Variants in COL23A1 observed in about 807,000 individuals in gnomAD.
The protein encoded by COL23A1 is collagen alpha-1(XXIII) chain.
Under a neutral mutation model 99.3 loss-of-function variants are expected in COL23A1, and 97 were observed. The ratio of observed to expected loss-of-function variants is 0.98; its 90% CI spans 0.83 to 1.16. COL23A1 has a LOEUF of 1.16. Among genes scored for constraint, COL23A1 ranks in the 50% most tolerant of loss-of-function variants. COL23A1 has a pLI of 0.00. For synonymous variants in COL23A1, 320 were observed against 308.2 expected, an observed-to-expected ratio of 1.04 and a Z score of -0.40; for missense variants, 762 against 757.4, an observed-to-expected ratio of 1.01 and a Z score of -0.07.
At chr5:178,392,332 G>T (rs746963930) in intron 2 of COL23A1, among the ~76,000 whole-genome samples, 1 of 152,062 alleles carries the variant, frequency 6.6e-6, no homozygotes, top group Non-Finnish European at 1.5e-5. Flanking sequence ...GGGTGTCCTC[G>T]GAGCACACTC....
At chr5:178,522,931 G>A (rs538187673) in intron 2 of COL23A1, among the ~76,000 whole-genome samples, 4 of 151,626 alleles carry the variant, frequency 2.6e-5, no homozygotes, top group Admixed American at 2.6e-4. Flanking sequence ...AGATCATTTC[G>A]GGAATGAGTT....
chr5:178,336,339 T>TG (rs1268598373), intron 2 of COL23A1, among the ~76,000 whole-genome samples: 2 of 152,208 alleles, frequency 1.3e-5, no homozygotes, highest in Non-Finnish European at 2.9e-5. Flanking sequence ...ACAACCCAGA[T>TG]GGCCATCACC....
chr5:178,242,172 C>T lies in COL23A1; in HGVS notation c.1495-44G>A, dbSNP rs375392418. On this transcript the variant is annotated intron_variant, in intron 26 of 28. Coordinates refer to ENST00000390654, the MANE Select transcript of COL23A1 (RefSeq NM_173465.4). Reference sequence around the variant, plus strand: ...GGTGGTATTGGTCATGGCTGCCAGGCTTAGGAACCTCCAACATCTCTCCGA... The same window carrying T: ...GGTGGTATTGGTCATGGCTGCCAGGTTTAGGAACCTCCAACATCTCTCCGA... 1.4e-5 allele frequency: 21 copies of T among 1,518,580 alleles called. No individual in the cohort carries two copies. The African/African-American group carries it at 2.5e-4, about 18-fold the overall frequency. 94.1% of individuals were successfully genotyped at this position (1,518,580 alleles called of 1,614,324 possible).
intron 2 of COL23A1, among the ~76,000 whole-genome samples, chr5:178,311,817 G>T (rs144073524): frequency 0.027 from 3,932 of 148,366 alleles, 174 homozygotes; most frequent in African/African-American, 0.093. Flanking sequence ...CGCAACCTCC[G>T]CCTCCCAGGT....
intron 2 of COL23A1, among the ~76,000 whole-genome samples, chr5:178,506,860 C>T (rs1430245529): frequency 2.0e-5 from 3 of 152,132 alleles, no homozygotes; most frequent in Admixed American, 6.5e-5. Context: ...CTCTTTGTCC[C>T]ACTTGGAATG....
rs1760596598 is a variant in COL23A1 at position 178,340,568 on chromosome 5, C to T, written c.362-33649G>A. On this transcript the variant is annotated intron_variant, in intron 2 of 28. Coordinates refer to ENST00000390654, the MANE Select transcript of COL23A1 (RefSeq NM_173465.4). The surrounding 1 kb of genome is among the most constrained non-coding windows in gnomAD (Gnocchi z 4.7). ...ACCATCTAGGAATCTTGCGGAAATC[C>T]AGGGGCTGACGCAGAGGTCAGGAGT... 6.6e-6 allele frequency among the ~76,000 whole-genome samples: 1 copy of T among 152,116 alleles called. No homozygotes were observed. The highest frequency in any genetic ancestry group is 1.5e-5 in the Non-Finnish European group (1 of 68,010).
At chr5:178,585,059 C>A (rs1763856744) in intron 1 of COL23A1, among the ~76,000 whole-genome samples, 1 of 152,230 alleles carries the variant, frequency 6.6e-6, no homozygotes, top group Non-Finnish European at 1.5e-5. Context: ...CCAAACCCAT[C>A]AACCTTCCCT....
Position 178,384,771 on chromosome 5 carries a change from G to A in COL23A1, c.362-77852C>T, listed in dbSNP as rs1224782787. 6.6e-6 allele frequency among the ~76,000 whole-genome samples: 1 copy of A among 152,230 alleles called. No individual in the cohort carries two copies. Among genetic ancestry groups the A allele is most frequent in the Non-Finnish European group, 1.5e-5 (1 of 68,038 alleles). On this transcript the variant is annotated intron_variant, in intron 2 of 28. Coordinates refer to ENST00000390654, the MANE Select transcript of COL23A1 (RefSeq NM_173465.4). The surrounding 1 kb of genome is among the most constrained non-coding windows in gnomAD (Gnocchi z 5.5). The stretch of plus-strand genomic sequence containing the variant: ...AGCCACCACGACCCTTGTACCACCC[G>A]GGGACGGCCCAGAACAGCCTGGGGC...
intron 2 of COL23A1, among the ~76,000 whole-genome samples, chr5:178,451,419 C>G (rs57650333): frequency 0.09 from 13,662 of 151,940 alleles, 1,988 homozygotes; most frequent in African/African-American, 0.3. Context: ...ACTTTGAGAG[C>G]CCAAGGCATG....
chr5:178,515,730 G>C (rs1425755558), intron 2 of COL23A1, among the ~76,000 whole-genome samples: 2 of 152,036 alleles, frequency 1.3e-5, no homozygotes, highest in African/African-American at 4.8e-5. Context: ...TCAGCTTCCT[G>C]CACACTCAGG....
intron 1 of COL23A1, among the ~76,000 whole-genome samples, chr5:178,562,414 C>T (rs549199785): frequency 6.6e-6 from 1 of 151,410 alleles, no homozygotes; most frequent in East Asian, 2.0e-4. Flanking sequence ...ATTAGCCGGG[C>T]GTGGTGGCGG....
At chr5:178,552,754 G>T (rs1353832404) in intron 2 of COL23A1, among the ~76,000 whole-genome samples, 5 of 149,564 alleles carry the variant, frequency 3.3e-5, no homozygotes, top group African/African-American at 9.8e-5. Context: ...TCACTCTGTC[G>T]CCAGGCTGGG....
chr5:178,260,130 G>A (rs527384257), intron 11 of COL23A1, among the ~76,000 whole-genome samples: 3 of 152,310 alleles, frequency 2.0e-5, no homozygotes, highest in East Asian at 1.9e-4. Flanking sequence ...CAAAGAGGGC[G>A]AAAATGAAAG....
chr5:178,289,463 C>G (rs1757332691), intron 4 of COL23A1, among the ~76,000 whole-genome samples: 2 of 152,254 alleles, frequency 1.3e-5, no homozygotes, highest in South Asian at 4.2e-4. Flanking sequence ...TCCCTCATAC[C>G]CTTCACACCC....
At chr5:178,436,420 G>A (rs979941347) in intron 2 of COL23A1, among the ~76,000 whole-genome samples, 1 of 152,044 alleles carries the variant, frequency 6.6e-6, no homozygotes, top group African/African-American at 2.4e-5. Context: ...ATTGGGGGGT[G>A]GGGTCGGGGT....
chr5:178,498,674 A>G (rs1758364126), intron 2 of COL23A1, among the ~76,000 whole-genome samples: 1 of 152,218 alleles, frequency 6.6e-6, no homozygotes, highest in Non-Finnish European at 1.5e-5. Flanking sequence ...TAAATACTAC[A>G]TATCTAAGTA....
At chr5:178,490,863 G>A (rs1757895280) in intron 2 of COL23A1, among the ~76,000 whole-genome samples, 1 of 152,082 alleles carries the variant, frequency 6.6e-6, no homozygotes, top group Non-Finnish European at 1.5e-5. Context: ...GATAGAACTG[G>A]ATACCTAAAA....
intron 25 of COL23A1, among the ~76,000 whole-genome samples, chr5:178,245,672 C>G (rs1397357947): frequency 1.3e-5 from 2 of 152,086 alleles, no homozygotes; most frequent in Non-Finnish European, 2.9e-5. Flanking sequence ...ATCCATCCAT[C>G]GATTCATCCT....
chr5:178,482,174 AT>A (rs1757376668), intron 2 of COL23A1, among the ~76,000 whole-genome samples: 1 of 152,152 alleles, frequency 6.6e-6, no homozygotes, highest in Non-Finnish European at 1.5e-5. Flanking sequence ...CAGCAGCACT[AT>A]TTACAACAGC....
Sources: allele counts gnomAD v4.1 joint callset (sites outside exome capture counted in the v4.1 genomes callset), GRCh38; gene constraint gnomAD v4.1.1; non-coding constraint Gnocchi (gnomAD v3.1); transcripts MANE v1.5; gene names NCBI Gene and HGNC (gene_info 2026-07-23, HGNC 2026-07-21).